The following NCOA7 variants were observed in gnomAD, a reference collection of about 807,000 sequenced individuals.
NCOA7 encodes the protein nuclear receptor coactivator 7, also known as 140 kDa estrogen receptor-associated protein.
A neutral mutation model predicts 104.3 loss-of-function variants in NCOA7; 45 were observed. That is an observed-to-expected ratio of 0.43 (90% CI 0.34 to 0.55). The LOEUF is 0.55. Ranked by LOEUF, NCOA7 falls within the 20% of genes least tolerant of loss-of-function variation. The pLI, the probability that NCOA7 is intolerant of heterozygous loss-of-function variation, is 0.02. For synonymous variants in NCOA7, 398 were observed against 402.3 expected (o/e 0.99, Z 0.13); for missense variants, 1,041 against 1,119.7 (o/e 0.93, Z 1.00).
intron 10 of NCOA7, among the ~76,000 whole-genome samples, chr6:125,895,206 A>G (rs954313370): frequency 2.6e-5 from 4 of 152,174 alleles, no homozygotes; most frequent in African/African-American, 9.7e-5. Context: ...TCCAGCTTTT[A>G]AAATAAATAA....
At position 125,881,772 on chromosome 6, in the gene NCOA7, T is replaced by TA. The variant is rs1242478250; in HGVS notation, c.573+581dup. On this transcript the variant is annotated intron_variant, in intron 6 of 15. Transcript: ENST00000392477. ...AGTTTATTTGTATTCCTCCTTTTTT[T>TA]AAAAAAAAAAAACAAATTGAGTCAT... 1.5e-3 allele frequency among the ~76,000 whole-genome samples: 217 copies of TA among 146,618 alleles called. 2 individuals are homozygous for TA. The highest frequency in any genetic ancestry group is 9.1e-3 in the South Asian group (42 of 4,638).
At chr6:125,870,737 A>G (rs1175991556) in intron 3 of NCOA7, among the ~76,000 whole-genome samples, 1 of 152,008 alleles carries the variant, frequency 6.6e-6, no homozygotes, top group East Asian at 1.9e-4. Context: ...GTAAACTTGT[A>G]TTGGGGATTA....
At chr6:125,899,973 C>T (rs765292382) in intron 10 of NCOA7, 2 of 532,512 alleles carry the variant, frequency 3.8e-6, no homozygotes, top group Admixed American at 1.9e-5. Flanking sequence ...GGGTCCATTT[C>T]CACTGCAGAC....
chr6:125,817,980 C>G (rs555790669), intron 2 of NCOA7, among the ~76,000 whole-genome samples: 3 of 151,828 alleles, frequency 2.0e-5, no homozygotes, highest in Middle Eastern at 3.2e-3. Flanking sequence ...CCTTCCTCCC[C>G]GTCTCCCTTC....
At chr6:125,823,215 G>A (rs933875719) in intron 2 of NCOA7, among the ~76,000 whole-genome samples, 2 of 152,074 alleles carry the variant, frequency 1.3e-5, no homozygotes, top group South Asian at 2.1e-4. Flanking sequence ...CTCTCCAATC[G>A]TTCATTATTC....
chr6:125,913,603 C>T lies in NCOA7; in HGVS notation c.2097-1730C>T, dbSNP rs143845370. ...AATAGAAATGGTAACATGTCATATA[C>T]ACTGATACACACCTTGTTTTAGGTA... On this transcript the variant is annotated intron_variant, in intron 10 of 15. Transcript: ENST00000392477. The T allele has an allele frequency of 9.5e-6, 9 of 943,546 alleles. No homozygotes were observed. The East Asian group carries it at 8.1e-4, about 85-fold the overall frequency. 58.4% of individuals were successfully genotyped at this position (943,546 alleles called of 1,614,324 possible). A position where few individuals can be genotyped will look rare whatever the true frequency, so the allele number is the denominator to read the frequency against.
chr6:125,913,736 AG>A, intron 10 of NCOA7: 1 of 837,128 alleles, frequency 1.2e-6, no homozygotes, highest in South Asian at 5.5e-5. Flanking sequence ...TAATATAAAA[AG>A]GGAAACAACA....
At chr6:125,908,866 AC>A (rs1266418675) in intron 10 of NCOA7, among the ~76,000 whole-genome samples, 50 of 152,388 alleles carry the variant, frequency 3.3e-4, no homozygotes, top group African/African-American at 1.2e-3. Context: ...ATTGACCTGC[AC>A]TTTTCACACT....
intron 1 of NCOA7, among the ~76,000 whole-genome samples, chr6:125,785,302 C>T (rs1268073): frequency 6.6e-6 from 1 of 152,038 alleles, no homozygotes; most frequent in Non-Finnish European, 1.5e-5. Flanking sequence ...GGTGCCACTG[C>T]GCTCCAGCCT....
At chr6:125,836,486 G>A (rs1194394114) in intron 2 of NCOA7, among the ~76,000 whole-genome samples, 1 of 152,132 alleles carries the variant, frequency 6.6e-6, no homozygotes, top group Non-Finnish European at 1.5e-5. Flanking sequence ...CAGAGTCTCA[G>A]TAATAGTTAA....
intron 2 of NCOA7, among the ~76,000 whole-genome samples, chr6:125,842,723 CT>C (rs1337331167): frequency 6.6e-6 from 1 of 152,060 alleles, no homozygotes; most frequent in Non-Finnish European, 1.5e-5. Context: ...GAAATCCTAC[CT>C]GTTAAAATTT....
Position 125,931,808 on chromosome 6 carries a change from GATTAGA to G in NCOA7, c.*3039_*3044del. On this transcript the variant is annotated 3_prime_UTR_variant, in exon 16 of 16. Coordinates refer to ENST00000392477, the MANE Select transcript of NCOA7 (RefSeq NM_181782.5). ...TTGAGGGAGGGACCTAGTGGGATGT[GATTAGA>G]ACATGGGGGCGGTTTCCCCCATGCT... is the stretch of plus-strand genomic sequence containing the variant. 6.6e-6 allele frequency: 1 copy of G among 152,172 alleles called. No homozygotes were observed. Among genetic ancestry groups the G allele is most frequent in the African/African-American group, 2.4e-5 (1 of 41,432 alleles). 9.4% of individuals were successfully genotyped at this position (152,172 alleles called of 1,614,324 possible).
Position 125,928,841 on chromosome 6 carries a change from A to G in NCOA7, c.*70A>G. On this transcript the variant is annotated 3_prime_UTR_variant, in exon 16 of 16. Coordinates refer to ENST00000392477, the MANE Select transcript of NCOA7 (RefSeq NM_181782.5). ...ATCAGCCCTCCTAAAGCTGGCTGGA[A>G]AAAGAAGCCCCAGCCCAGCCTGCCT... The G allele has an allele frequency of 6.5e-7, 1 of 1,529,358 alleles. No homozygotes were observed. The highest frequency in any genetic ancestry group is 8.8e-7 in the Non-Finnish European group (1 of 1,138,366). The allele number at this position is 1,529,358 out of a possible 1,614,324, so 94.7% of individuals were successfully genotyped here. A position where few individuals can be genotyped will look rare whatever the true frequency, so the allele number is the denominator to read the frequency against.
At chr6:125,854,956 T>C in intron 2 of NCOA7, 64 bp from the exon 3 acceptor site, 1 of 1,130,940 alleles carries the variant, frequency 8.8e-7, no homozygotes, top group Admixed American at 2.3e-5. Flanking sequence ...AGCGTGAAAT[T>C]AATATGATTT....
At chr6:125,904,845 A>G (rs1442336107) in intron 10 of NCOA7, among the ~76,000 whole-genome samples, 1 of 152,134 alleles carries the variant, frequency 6.6e-6, no homozygotes, top group Non-Finnish European at 1.5e-5. Context: ...TTTGCATTTT[A>G]TGAGCTCGAT....
chr6:125,807,922 A>G (rs571284599), intron 1 of NCOA7, among the ~76,000 whole-genome samples: 2 of 152,298 alleles, frequency 1.3e-5, no homozygotes, highest in Non-Finnish European at 2.9e-5. Flanking sequence ...ATAAACATCT[A>G]CCTACACACC....
chr6:125,831,247 A>T (rs971405299), intron 2 of NCOA7, among the ~76,000 whole-genome samples: 1 of 152,128 alleles, frequency 6.6e-6, no homozygotes, highest in Non-Finnish European at 1.5e-5. Context: ...TTTCTATACT[A>T]CCTCCTGTGA....
At chr6:125,926,848 G>C (rs1788078645) in intron 13 of NCOA7, among the ~76,000 whole-genome samples, 1 of 152,148 alleles carries the variant, frequency 6.6e-6, no homozygotes, top group Non-Finnish European at 1.5e-5. Context: ...AATCACCTAG[G>C]GACATTTTCA....
chr6:125,886,913 C>T (rs565591802), intron 8 of NCOA7, among the ~76,000 whole-genome samples: 60 of 152,352 alleles, frequency 3.9e-4, no homozygotes, highest in African/African-American at 6.3e-4. Flanking sequence ...CGTGCACACA[C>T]GTGCAGGACG....
Sources: gnomAD v4.1 joint callset for allele counts (sites outside exome capture counted in the v4.1 genomes callset) on GRCh38, gnomAD v4.1.1 for gene constraint, MANE v1.5 for transcripts, NCBI Gene and HGNC (gene_info 2026-07-23, HGNC 2026-07-21) for gene names.